The following BRWD3 variants were observed in gnomAD, a reference collection of about 807,000 sequenced individuals.
The protein encoded by BRWD3 is bromodomain and WD repeat domain containing 3.
A neutral mutation model predicts 149.7 loss-of-function variants in BRWD3; 10 were observed. The observed-to-expected ratio is 0.07, with a 90% confidence interval of 0.04 to 0.11. The LOEUF (loss-of-function observed/expected upper bound fraction) is 0.11, where lower values mean the gene tolerates loss of function less well. Among genes scored for constraint, BRWD3 ranks in the 10% least tolerant of loss-of-function variants. BRWD3 has a pLI of 1.00. For missense variants in BRWD3, 940 were observed against 1,373.2 expected, an observed-to-expected ratio of 0.68 and a Z score of 4.99; for synonymous variants, 504 against 456.7, an observed-to-expected ratio of 1.10 and a Z score of -1.32.
chrX:80,704,972 A>G, intron 22 of BRWD3, 126 bp from the exon 23 acceptor site: 1 of 735,176 alleles, frequency 1.4e-6, no homozygotes, highest in Non-Finnish European at 2.0e-6. Context: ...TTCTAACTTA[A>G]GAGAAAAAAT....
chrX:80,717,347 G>C (rs1156733828), intron 19 of BRWD3: 2 of 412,233 alleles, frequency 4.9e-6, no homozygotes, highest in South Asian at 3.6e-5. Context: ...ACTCAGAACA[G>C]AGATAATGTT....
intron 20 of BRWD3, among the ~76,000 whole-genome samples, chrX:80,712,622 G>A (rs1179269655): frequency 9.1e-6 from 1 of 109,780 alleles, no homozygotes; most frequent in African/African-American, 3.4e-5. Context: ...CGTCTGGGAT[G>A]TGAGGAGCCC....
rs182596196 is a variant in BRWD3, at chrX:80,800,858, C to T, written c.181-7086G>A. The stretch of plus-strand genomic sequence containing the variant: ...TGAAAATGCTAATCATTATGCATAG[C>T]ATTTCTTTTTCTTTTTATTAGTTTT... On this transcript the variant is annotated intron_variant, in intron 4 of 40. Coordinates refer to ENST00000373275, the MANE Select transcript of BRWD3 (RefSeq NM_153252.5). 7.0e-4 allele frequency among the ~76,000 whole-genome samples: 78 copies of T among 110,945 alleles called. 1 individual carries two copies. The East Asian group carries it at 0.015, about 21-fold the overall frequency.
chrX:80,750,428 C>T (rs1376123708), intron 6 of BRWD3, among the ~76,000 whole-genome samples: 1 of 110,296 alleles, frequency 9.1e-6, no homozygotes, highest in Non-Finnish European at 1.9e-5. Context: ...TCTGAACAAA[C>T]ATTTCTCAAA....
intron 11 of BRWD3, 99 bp from the exon 12 acceptor site, chrX:80,733,595 G>GTTT: frequency 6.0e-5 from 29 of 482,015 alleles, no homozygotes; most frequent in East Asian, 8.8e-5. Context: ...TCATGAAGTA[G>GTTT]TTTTTTTTTT....
intron 6 of BRWD3, among the ~76,000 whole-genome samples, chrX:80,751,236 A>T (rs777623394): frequency 2.4e-4 from 27 of 111,948 alleles, no homozygotes; most frequent in Non-Finnish European, 3.2e-4. Context: ...CAAAATTGCT[A>T]AAAGAATAGA....
chrX:80,675,648 A>G lies in BRWD3; in HGVS notation c.*961T>C, dbSNP rs1275578531. ...TCCTTAGTCAGTAAGGAATAACAGC[A>G]TCTATTTTCCTTAATGTTTCCAGTA... On this transcript the variant is annotated 3_prime_UTR_variant, in exon 41 of 41. Transcript: ENST00000373275. 2.7e-5 allele frequency: 3 copies of G among 112,100 alleles called. No individual in the cohort carries two copies. Among genetic ancestry groups the G allele is most frequent in the Non-Finnish European group, 5.6e-5 (3 of 53,153 alleles). 9.2% of individuals were successfully genotyped at this position (112,100 alleles called of 1,213,427 possible). A position where few individuals can be genotyped will look rare whatever the true frequency, so the allele number is the denominator to read the frequency against.
chrX:80,686,196 A>G (rs747062013), intron 35 of BRWD3, among the ~76,000 whole-genome samples: 1 of 101,855 alleles, frequency 9.8e-6, no homozygotes, highest in Admixed American at 1.1e-4. Context: ...GTTCTCACGC[A>G]TAGGTGGGAA....
At chrX:80,696,708 C>T (rs376505660) in intron 26 of BRWD3, 31 bp downstream of exon 26, 42 of 1,203,722 alleles carry the variant, frequency 3.5e-5, no homozygotes, top group Non-Finnish European at 4.4e-5. Flanking sequence ...AATACACACA[C>T]TCAAACAGAG....
At chrX:80,744,887 A>C (rs2073568667) in intron 7 of BRWD3, among the ~76,000 whole-genome samples, 1 of 111,832 alleles carries the variant, frequency 8.9e-6, no homozygotes, top group Non-Finnish European at 1.9e-5. Context: ...TTAATGGAAG[A>C]GTCCAAAATA....
At chrX:80,725,679 T>C (rs1348304776) in intron 14 of BRWD3, among the ~76,000 whole-genome samples, 1 of 112,299 alleles carries the variant, frequency 8.9e-6, no homozygotes, top group African/African-American at 3.2e-5. Flanking sequence ...CTATATAACA[T>C]ATAACATGTT....
intron 6 of BRWD3, among the ~76,000 whole-genome samples, chrX:80,748,916 C>T (rs2073629013): frequency 9.0e-6 from 1 of 111,449 alleles, no homozygotes; most frequent in South Asian, 3.8e-4. Flanking sequence ...GTTGTGTTTC[C>T]ATTTTCATTT....
intron 13 of BRWD3, among the ~76,000 whole-genome samples, chrX:80,729,248 A>G (rs1381827891): frequency 6.3e-5 from 7 of 111,765 alleles, no homozygotes; most frequent in African/African-American, 9.7e-5. Context: ...TGGCCAATTT[A>G]TTATCTTAAA....
At chrX:80,721,652 T>C (rs961603869) in intron 17 of BRWD3, among the ~76,000 whole-genome samples, 2 of 111,799 alleles carry the variant, frequency 1.8e-5, no homozygotes, top group African/African-American at 6.5e-5. Flanking sequence ...ATAAATTGCT[T>C]TGATAGAAAA....
chrX:80,803,355 C>T (rs769297909), intron 4 of BRWD3, among the ~76,000 whole-genome samples: 1 of 111,313 alleles, frequency 9.0e-6, no homozygotes, highest in South Asian at 3.8e-4. Flanking sequence ...AAGTATTAGT[C>T]CCTAACACCA....
At chrX:80,808,475 G>A in intron 4 of BRWD3, 64 bp downstream of exon 4, 2 of 956,051 alleles carry the variant, frequency 2.1e-6, no homozygotes, top group Non-Finnish European at 3.0e-6. Flanking sequence ...GGCGGGTTGG[G>A]GGTACAAGGT....
chrX:80,690,172 A>G, intron 31 of BRWD3, 80 bp from the exon 32 acceptor site: 1 of 1,016,485 alleles, frequency 9.8e-7, no homozygotes, highest in African/African-American at 1.9e-5. Context: ...TGGAACAAAT[A>G]TGTACTTAAA....
At chrX:80,734,256 G>A (rs754422276) in intron 10 of BRWD3, 38 bp from the exon 11 acceptor site, 3 of 959,833 alleles carry the variant, frequency 3.1e-6, no homozygotes, top group South Asian at 3.9e-5. Context: ...ATAGTACCAA[G>A]GAACCTTAAA....
chrX:80,717,404 G>A, intron 19 of BRWD3, 169 bp downstream of exon 19: 1 of 476,779 alleles, frequency 2.1e-6, no homozygotes. Context: ...AGCTGAAGAT[G>A]ATCATTATTT....
Sources: allele counts gnomAD v4.1 joint callset (sites outside exome capture counted in the v4.1 genomes callset), GRCh38; gene constraint gnomAD v4.1.1; transcripts MANE v1.5; gene names NCBI Gene and HGNC (gene_info 2026-07-23, HGNC 2026-07-21).